Variants in RIMBP2 observed in about 807,000 individuals in gnomAD.
The protein encoded by RIMBP2 is RIMS-binding protein 2.
A neutral mutation model predicts 118.6 loss-of-function variants in RIMBP2; 48 were observed. The observed-to-expected ratio is 0.40, with a 90% CI of 0.32 to 0.51. RIMBP2 has a LOEUF of 0.51. RIMBP2 is among the 20% of genes least tolerant of loss of function. The pLI is 0.41. For synonymous variants in RIMBP2, 762 were observed against 742.9 expected (o/e 1.03, Z -0.42); for missense variants, 1,551 against 1,768.3 (o/e 0.88, Z 2.20).
rs2136790936 is a variant in RIMBP2, at chr12:130,703,356, A to C, written c.-352+12866T>G. Among the ~76,000 whole-genome samples the C allele has an allele frequency of 6.6e-6, 1 of 152,346 alleles. No homozygotes were observed. The highest frequency in any genetic ancestry group is 1.9e-4 in the East Asian group (1 of 5,184). ...CAAGAATCCCTAATTCACTAATAAG[A>C]AAATCACCATCTAACATCAGTGTTT... is the stretch of plus-strand genomic sequence containing the variant. On this transcript the variant is annotated intron_variant, in intron 1 of 22. Coordinates refer to ENST00000690449, the MANE Select transcript of RIMBP2 (RefSeq NM_001393629.1). This position sits in a 1 kb window ranked among gnomAD's most constrained non-coding sequence, Gnocchi z 5.7.
At chr12:130,588,965 G>A (rs1167498380) in intron 2 of RIMBP2, among the ~76,000 whole-genome samples, 1 of 152,222 alleles carries the variant, frequency 6.6e-6, no homozygotes, top group African/African-American at 2.4e-5. Context: ...AATTCCTTAT[G>A]AAATTAATCT....
chr12:130,508,800 G>A (rs1297844786), intron 3 of RIMBP2, among the ~76,000 whole-genome samples: 3 of 152,158 alleles, frequency 2.0e-5, no homozygotes, highest in Non-Finnish European at 2.9e-5. Flanking sequence ...GGAGTCAGTG[G>A]TCGAGCAAGA....
chr12:130,640,685 T>C (rs2062577299), intron 1 of RIMBP2, among the ~76,000 whole-genome samples: 3 of 152,174 alleles, frequency 2.0e-5, no homozygotes, highest in Non-Finnish European at 4.4e-5. Flanking sequence ...AGGCACCTCC[T>C]GGTCCTACAG....
At chr12:130,556,224 A>T (rs1006317979) in intron 2 of RIMBP2, among the ~76,000 whole-genome samples, 7 of 152,180 alleles carry the variant, frequency 4.6e-5, no homozygotes, top group African/African-American at 7.2e-5. Context: ...GTCTGCCCGG[A>T]TCTTCATTAG....
chr12:130,586,004 T>C (rs907965854), intron 2 of RIMBP2, among the ~76,000 whole-genome samples: 2 of 152,242 alleles, frequency 1.3e-5, no homozygotes, highest in African/African-American at 4.8e-5. Flanking sequence ...TTCTCTAATA[T>C]TGCTGAAATG....
chr12:130,415,959 C>CCA (rs34091063), intron 17 of RIMBP2, among the ~76,000 whole-genome samples: 14,559 of 81,524 alleles, frequency 0.18, 770 homozygotes, highest in South Asian at 0.33. Flanking sequence ...TTGACAATAG[C>CCA]CACACACACA....
chr12:130,407,458 A>G (rs1302050006), intron 20 of RIMBP2, among the ~76,000 whole-genome samples: 1 of 152,172 alleles, frequency 6.6e-6, no homozygotes, highest in Admixed American at 6.5e-5. Flanking sequence ...GATGTGGATG[A>G]CAGATTGTTC....
intron 4 of RIMBP2, among the ~76,000 whole-genome samples, chr12:130,502,902 G>A (rs2049936655): frequency 6.6e-6 from 1 of 152,132 alleles, no homozygotes; most frequent in South Asian, 2.1e-4. Flanking sequence ...GTGCACCGAT[G>A]TACCCCTTTC....
chr12:130,455,935 C>T (rs1052256412), intron 7 of RIMBP2, among the ~76,000 whole-genome samples: 1 of 152,182 alleles, frequency 6.6e-6, no homozygotes, highest in African/African-American at 2.4e-5. Flanking sequence ...AGCACACACA[C>T]AGGGGGCTTC....
chr12:130,610,360 C>T (rs963981070), intron 2 of RIMBP2, among the ~76,000 whole-genome samples: 7 of 152,160 alleles, frequency 4.6e-5, no homozygotes, highest in African/African-American at 7.2e-5. Flanking sequence ...GGAGGGTCTA[C>T]GCCATCTGTG....
chr12:130,464,820 A>G (rs2080314680), intron 6 of RIMBP2, among the ~76,000 whole-genome samples: 1 of 152,064 alleles, frequency 6.6e-6, no homozygotes, highest in South Asian at 2.1e-4. Flanking sequence ...TAACACACTC[A>G]CTGGCCCAGG....
rs889165307 is a variant in RIMBP2, at chr12:130,447,339, C to T, written c.582-2070G>A. Among the ~76,000 whole-genome samples the T allele has an allele frequency of 2.6e-5, 4 of 151,572 alleles. No individual in the cohort carries two copies. The highest frequency in any genetic ancestry group is 2.9e-5 in the Non-Finnish European group (2 of 67,904). On this transcript the variant is annotated intron_variant, in intron 9 of 22. Coordinates refer to ENST00000690449, the MANE Select transcript of RIMBP2 (RefSeq NM_001393629.1). The surrounding 1 kb of genome is among the most constrained non-coding windows in gnomAD (Gnocchi z 4.4). ...CGTGACAACCTCGTCGGTGCTCCTG[C>T]GTGTGGGCCCTGGAGGCCACCCGAC...
At chr12:130,657,332 A>C (rs2063471399) in intron 1 of RIMBP2, among the ~76,000 whole-genome samples, 1 of 152,208 alleles carries the variant, frequency 6.6e-6, no homozygotes, top group Non-Finnish European at 1.5e-5. Context: ...TTAGGACTTC[A>C]ACACCTTTGT....
chr12:130,407,645 A>G (rs2075299973), intron 20 of RIMBP2, 81 bp downstream of exon 20: 3 of 1,066,162 alleles, frequency 2.8e-6, no homozygotes, highest in Non-Finnish European at 1.5e-6. Context: ...AGGTGAACAC[A>G]CGTGGCCTCA....
intron 15 of RIMBP2, chr12:130,426,901 G>A (rs1407309119): frequency 6.6e-6 from 1 of 152,318 alleles, no homozygotes; most frequent in Non-Finnish European, 1.5e-5. Context: ...CTTTTTCGGA[G>A]CTCCTGGCTC....
chr12:130,621,080 G>A lies in RIMBP2; in HGVS notation c.-217+7242C>T, dbSNP rs2061281597. ...TGTAAGGAGATGGAGTCACCCCTTA[G>A]TGAGGGTGGGTTCATTTTTTTACCA... is the stretch of plus-strand genomic sequence containing the variant. On this transcript the variant is annotated intron_variant, in intron 2 of 22. Transcript: ENST00000690449. This position sits in a 1 kb window ranked among gnomAD's most constrained non-coding sequence, Gnocchi z 6.6. 6.6e-6 allele frequency among the ~76,000 whole-genome samples: 1 copy of A among 152,192 alleles called. No individual in the cohort carries two copies. Among genetic ancestry groups the A allele is most frequent in the South Asian group, 2.1e-4 (1 of 4,834 alleles).
Position 130,442,601 on chromosome 12 carries a change from C to T in RIMBP2, c.751G>A (p.Asp251Asn), listed in dbSNP as rs1246871605. The T allele has an allele frequency of 6.2e-6, 10 of 1,614,078 alleles. No individual in the cohort carries two copies. The South Asian group carries it at 8.8e-5, about 14-fold the overall frequency. Residue 251 changes from aspartate (D) to asparagine (N), a missense_variant, in exon 11 of 23, where the codon GAC (aspartate) becomes AAC (asparagine). Asp to Asn is a conservative substitution (Grantham distance 23). Coordinates refer to ENST00000690449, the MANE Select transcript of RIMBP2 (RefSeq NM_001393629.1). This position sits in a 1 kb window ranked among gnomAD's most constrained non-coding sequence, Gnocchi z 6.9. ...GTGCTTGCCAACCGCGACTCGTTGT[C>T]CTGCACAAAGTCCACGAAGTTGGAG... Reference protein sequence around the residue: ...VPSNFVDFVQDNESRLASTLG... With the variant: ...VPSNFVDFVQNNESRLASTLG...
At chr12:130,531,945 G>A (rs2053431117) in intron 2 of RIMBP2, among the ~76,000 whole-genome samples, 1 of 141,916 alleles carries the variant, frequency 7.0e-6, no homozygotes. Context: ...TTAGCCTCTA[G>A]GAGGTACGTC....
At chr12:130,406,066 G>A (rs534182956) in intron 21 of RIMBP2, 106 bp downstream of exon 21, 370 of 731,710 alleles carry the variant, frequency 5.1e-4, no homozygotes, top group Non-Finnish European at 7.7e-4. Flanking sequence ...GGCGTATGAC[G>A]TTCATGCCCA....
Sources: gnomAD v4.1 joint callset for allele counts (sites outside exome capture counted in the v4.1 genomes callset) on GRCh38, gnomAD v4.1.1 for gene constraint, Gnocchi (gnomAD v3.1) non-coding constraint, MANE v1.5 for transcripts, NCBI Gene and HGNC (gene_info 2026-07-23, HGNC 2026-07-21) for gene names.